Variants in TLK1 observed in about 807,000 individuals in gnomAD.
TLK1 encodes serine/threonine-protein kinase tousled-like 1.
TLK1 carries 24 observed loss-of-function variants against 105.3 expected under a neutral mutation model. That is an observed-to-expected ratio of 0.23 (90% CI 0.17 to 0.32). The LOEUF (loss-of-function observed/expected upper bound fraction) is 0.32. Ranked by LOEUF, TLK1 falls within the 10% of genes least tolerant of loss-of-function variation. The pLI, the probability that TLK1 is intolerant of heterozygous loss-of-function variation, is 1.00. For synonymous variants in TLK1, 321 were observed against 310.4 expected, an observed-to-expected ratio of 1.03 and a Z score of -0.36; for missense variants, 558 against 910.5, an observed-to-expected ratio of 0.61 and a Z score of 4.98.
chr2:171,106,327 G>A (rs576852125), intron 2 of TLK1, among the ~76,000 whole-genome samples: 2 of 152,242 alleles, frequency 1.3e-5, no homozygotes, highest in African/African-American at 4.8e-5. Flanking sequence ...CAAATAACTG[G>A]AAGAGCAGAT....
At chr2:171,068,653 G>GTTATGTATCATC (rs1688121826) in intron 3 of TLK1, among the ~76,000 whole-genome samples, 1 of 152,154 alleles carries the variant, frequency 6.6e-6, no homozygotes, top group Non-Finnish European at 1.5e-5. Flanking sequence ...CAGAAGTGAT[G>GTTATGTATCATC]TTATGTATCA....
chr2:171,220,320 C>G (rs1281555888), intron 1 of TLK1, among the ~76,000 whole-genome samples: 3 of 152,200 alleles, frequency 2.0e-5, no homozygotes, highest in East Asian at 3.8e-4. Flanking sequence ...AAGATGAGCC[C>G]TGGTGATTTG....
chr2:171,088,405 A>G (rs6761759), intron 2 of TLK1, among the ~76,000 whole-genome samples: 29,895 of 152,232 alleles, frequency 0.2, 3,740 homozygotes, highest in Non-Finnish European at 0.28. Context: ...TAAGTGTTTA[A>G]GTGCCTAATG....
At chr2:171,088,502 A>C (rs1333489946) in intron 2 of TLK1, among the ~76,000 whole-genome samples, 1 of 152,242 alleles carries the variant, frequency 6.6e-6, no homozygotes, top group African/African-American at 2.4e-5. Context: ...CACATTTTTA[A>C]AAAATCAAGC....
chr2:171,051,139 G>A (rs1687218339), intron 8 of TLK1, among the ~76,000 whole-genome samples: 1 of 152,170 alleles, frequency 6.6e-6, no homozygotes, highest in South Asian at 2.1e-4. Flanking sequence ...AACACTGTGT[G>A]TGTATGATGC....
At chr2:171,221,471 T>G (rs10203412) in intron 1 of TLK1, among the ~76,000 whole-genome samples, 3,664 of 152,314 alleles carry the variant, frequency 0.024, 177 homozygotes, top group East Asian at 0.18. Context: ...CATTGCTTTA[T>G]AAGCTATTTT....
Position 171,060,992 on chromosome 2 carries a change from T to C in TLK1, c.406+89A>G. 3 of 1,286,946 alleles carry C rather than the reference T, an allele frequency of 2.3e-6. No homozygotes were observed. In the South Asian group the frequency reaches 4.0e-5, roughly 17 times the overall value. The allele number at this position is 1,286,946 out of a possible 1,614,324, so 79.7% of individuals were successfully genotyped here. A position where few individuals can be genotyped will look rare whatever the true frequency, so the allele number is the denominator to read the frequency against. On this transcript the variant is annotated intron_variant, in intron 4 of 20. Coordinates refer to ENST00000431350, the MANE Select transcript of TLK1 (RefSeq NM_012290.5). ...CACCAAAATTTACAACTTCATATTA[T>C]TTTACAATTAGAGTATTAATTGGTT...
At chr2:171,128,565 T>C (rs1690964383) in intron 1 of TLK1, among the ~76,000 whole-genome samples, 1 of 152,196 alleles carries the variant, frequency 6.6e-6, no homozygotes, top group Non-Finnish European at 1.5e-5. Flanking sequence ...AGCCCCCTTC[T>C]AGCTTTCTTC....
chr2:171,016,785 A>C (rs1306981009), intron 12 of TLK1, among the ~76,000 whole-genome samples: 1 of 152,224 alleles, frequency 6.6e-6, no homozygotes, highest in Admixed American at 6.5e-5. Flanking sequence ...TCTAAAGATT[A>C]TGTTGTTTGT....
chr2:171,115,078 GTAAAA>G (rs1381444248), intron 2 of TLK1, among the ~76,000 whole-genome samples: 3 of 151,430 alleles, frequency 2.0e-5, no homozygotes, highest in African/African-American at 7.3e-5. Flanking sequence ...TGGTGCAATA[GTAAAA>G]TAAATCATCT....
intron 1 of TLK1, among the ~76,000 whole-genome samples, chr2:171,174,706 G>T (rs1478361113): frequency 6.6e-6 from 1 of 152,086 alleles, no homozygotes; most frequent in Non-Finnish European, 1.5e-5. Flanking sequence ...TGCAAAGTAG[G>T]AATTCACTAA....
At chr2:171,057,793 T>C (rs962703391) in intron 5 of TLK1, among the ~76,000 whole-genome samples, 2 of 152,070 alleles carry the variant, frequency 1.3e-5, no homozygotes, top group African/African-American at 2.4e-5. Context: ...TGTTCTATTA[T>C]TGCTCAAGGT....
chr2:171,097,340 A>C (rs1689493608), intron 2 of TLK1, among the ~76,000 whole-genome samples: 2 of 152,348 alleles, frequency 1.3e-5, no homozygotes, highest in Admixed American at 1.3e-4. Context: ...AAATGAATTA[A>C]AGACATAAGA....
intron 2 of TLK1, among the ~76,000 whole-genome samples, chr2:171,088,247 A>C (rs1344465207): frequency 1.3e-5 from 2 of 152,096 alleles, no homozygotes; most frequent in East Asian, 3.9e-4. Flanking sequence ...TAGGAGGATC[A>C]CTTGAGCCCA....
chr2:171,037,217 A>T (rs903183136), intron 11 of TLK1, among the ~76,000 whole-genome samples: 18 of 151,970 alleles, frequency 1.2e-4, no homozygotes, highest in African/African-American at 4.1e-4. Flanking sequence ...TGAGGTGGGC[A>T]GATCACCTGA....
At chr2:171,222,573 C>A (rs1693827969) in intron 1 of TLK1, among the ~76,000 whole-genome samples, 1 of 152,022 alleles carries the variant, frequency 6.6e-6, no homozygotes, top group Admixed American at 6.6e-5. Context: ...CTCAAGTGAT[C>A]CACCCCCCTC....
chr2:171,222,518 G>C (rs1486612745), intron 1 of TLK1, among the ~76,000 whole-genome samples: 1 of 152,028 alleles, frequency 6.6e-6, no homozygotes, highest in Admixed American at 6.6e-5. Context: ...ATTTTGTAGA[G>C]ACAGGGTTTT....
At chr2:171,001,053 T>G (rs1684342267) in intron 18 of TLK1, among the ~76,000 whole-genome samples, 1 of 152,234 alleles carries the variant, frequency 6.6e-6, no homozygotes, top group South Asian at 2.1e-4. Flanking sequence ...ATGATTTCCT[T>G]GACTGCCTCT....
chr2:171,061,472 GA>G (rs902033055), intron 3 of TLK1, among the ~76,000 whole-genome samples: 13 of 152,128 alleles, frequency 8.5e-5, no homozygotes, highest in Middle Eastern at 3.4e-3. Flanking sequence ...GGATGAGGGG[GA>G]AAAAAATCAC....
Sources: allele counts gnomAD v4.1 joint callset (sites outside exome capture counted in the v4.1 genomes callset), GRCh38; gene constraint gnomAD v4.1.1; transcripts MANE v1.5; gene names NCBI Gene and HGNC (gene_info 2026-07-23, HGNC 2026-07-21).